Variants in PCDHGA12 observed in about 807,000 individuals in gnomAD.
PCDHGA12 encodes protocadherin gamma subfamily A, 12.
PCDHGA12 carries 43 observed loss-of-function variants against 61.1 expected under a neutral mutation model. That is an observed-to-expected ratio of 0.70 (90% CI 0.55 to 0.91). The LOEUF is 0.91. PCDHGA12 is among the 40% of genes least tolerant of loss of function. PCDHGA12 has a pLI of 0.00. For synonymous variants in PCDHGA12, 520 were observed against 542.9 expected (o/e 0.96, Z 0.59); for missense variants, 1,236 against 1,227.7 (o/e 1.01, Z -0.10).
At position 141,511,199 on chromosome 5, in the gene PCDHGA12, G is replaced by C. The variant is rs1303066281; in HGVS notation, c.*26G>C. On this transcript the variant is annotated 3_prime_UTR_variant, in exon 4 of 4. Coordinates refer to ENST00000252085, the MANE Select transcript of PCDHGA12 (RefSeq NM_003735.3). The stretch of plus-strand genomic sequence containing the variant: ...CATGGAGGCCAGGCCAAGAGCCACA[G>C]GGCGGCCTCTCCCCAACCAGCCCAG... 6.2e-6 allele frequency: 10 copies of C among 1,612,868 alleles called. No individual in the cohort carries two copies. In the East Asian group the frequency reaches 2.2e-4, roughly 36 times the overall value.
At chr5:141,497,013 A>G (rs2099773320) in intron 2 of PCDHGA12, among the ~76,000 whole-genome samples, 1 of 151,990 alleles carries the variant, frequency 6.6e-6, no homozygotes, top group Admixed American at 6.6e-5. Context: ...ACATGGTGAA[A>G]CCCCATCTCG....
At position 141,476,645 on chromosome 5, in the gene PCDHGA12, A is replaced by G. The variant is rs150444699; in HGVS notation, c.2425-18162A>G. The G allele has an allele frequency of 1.2e-4, 199 of 1,614,128 alleles. No homozygotes were observed. Among genetic ancestry groups the G allele is most frequent in the Non-Finnish European group, 1.6e-4 (194 of 1,180,060 alleles). ...TTTACAAACCTATGAGCTGAGCCGA[A>G]ATGAATACTTTGCGCTTCGCGTGCA... On this transcript the variant is annotated intron_variant, in intron 1 of 3. Transcript: ENST00000252085. The surrounding 1 kb of genome is among the most constrained non-coding windows in gnomAD (Gnocchi z 7.6).
chr5:141,489,073 C>A lies in PCDHGA12; in HGVS notation c.2425-5734C>A, dbSNP rs2099681983. 3.2e-6 allele frequency: 1 copy of A among 315,630 alleles called. No individual in the cohort carries two copies. The highest frequency in any genetic ancestry group is 5.7e-6 in the Non-Finnish European group (1 of 173,976). 19.6% of individuals were successfully genotyped at this position (315,630 alleles called of 1,614,324 possible). A position where few individuals can be genotyped will look rare whatever the true frequency, so the allele number is the denominator to read the frequency against. ...ATTCAGCTCCCCTCCCCCCTGCCCA[C>A]CCCCGCCACTCGGTGACTAAGAACT... On this transcript the variant is annotated intron_variant, in intron 1 of 3. Coordinates refer to ENST00000252085, the MANE Select transcript of PCDHGA12 (RefSeq NM_003735.3). The surrounding 1 kb of genome is among the most constrained non-coding windows in gnomAD (Gnocchi z 4.5).
chr5:141,480,407 C>T (rs906445993), intron 1 of PCDHGA12, among the ~76,000 whole-genome samples: 1 of 139,782 alleles, frequency 7.2e-6, no homozygotes, highest in Admixed American at 7.0e-5. Context: ...AGAGTGAGAC[C>T]CTGTCTCAAA....
intron 3 of PCDHGA12, chr5:141,508,128 T>C (rs1490298338): frequency 6.6e-6 from 1 of 151,706 alleles, no homozygotes; most frequent in African/African-American, 2.4e-5. Context: ...CAGAGGGAGG[T>C]CAGGGAGCTG....
At chr5:141,496,817 T>C (rs2099771666) in intron 2 of PCDHGA12, among the ~76,000 whole-genome samples, 1 of 151,020 alleles carries the variant, frequency 6.6e-6, no homozygotes, top group Non-Finnish European at 1.5e-5. Flanking sequence ...AGTGAACAAG[T>C]AGATGTGATC....
intron 1 of PCDHGA12, among the ~76,000 whole-genome samples, chr5:141,462,538 C>G (rs565849689): frequency 1.3e-5 from 2 of 152,102 alleles, no homozygotes; most frequent in South Asian, 2.1e-4. Context: ...GTTCAGTGAT[C>G]TTTTCTTCTT....
chr5:141,449,040 C>A (rs1333983931), intron 1 of PCDHGA12, among the ~76,000 whole-genome samples: 2 of 152,126 alleles, frequency 1.3e-5, no homozygotes, highest in Non-Finnish European at 2.9e-5. Flanking sequence ...GGATTATTAA[C>A]CAGTCTCATA....
At position 141,511,963 on chromosome 5, in the gene PCDHGA12, AGT is replaced by A. The variant is rs1204123000; in HGVS notation, c.*796_*797del. On this transcript the variant is annotated 3_prime_UTR_variant, in exon 4 of 4. Transcript: ENST00000252085. ...ATGGGGTGGTAAGATAAGGAAGGGA[AGT>A]GTGTGGATGTGGATGGTGGGGGCAT... 1 of 153,636 alleles carries A rather than the reference AGT, an allele frequency of 6.5e-6. No individual in the cohort carries two copies. 9.5% of individuals were successfully genotyped at this position (153,636 alleles called of 1,614,324 possible).
At chr5:141,497,969 C>T (rs1595499086) in intron 2 of PCDHGA12, among the ~76,000 whole-genome samples, 1 of 152,160 alleles carries the variant, frequency 6.6e-6, no homozygotes. Flanking sequence ...GCAGTGTTCT[C>T]GATGTGGGAG....
At chr5:141,510,627 G>C (rs2099881988) in intron 3 of PCDHGA12, among the ~76,000 whole-genome samples, 2 of 152,090 alleles carry the variant, frequency 1.3e-5, no homozygotes, top group South Asian at 2.1e-4. Context: ...AACCAGAAGA[G>C]GTGGTTACCA....
chr5:141,480,102 T>C (rs568342271), intron 1 of PCDHGA12, among the ~76,000 whole-genome samples: 1 of 152,320 alleles, frequency 6.6e-6, no homozygotes, highest in South Asian at 2.1e-4. Flanking sequence ...GCAAAGTGTT[T>C]AGCATGGTGC....
chr5:141,446,821 T>G (rs183143971), intron 1 of PCDHGA12, among the ~76,000 whole-genome samples: 2 of 152,184 alleles, frequency 1.3e-5, no homozygotes, highest in South Asian at 4.1e-4. Context: ...GTCAGATGGG[T>G]AGATCCTTAT....
intron 1 of PCDHGA12, among the ~76,000 whole-genome samples, chr5:141,464,094 G>A (rs540562188): frequency 7.4e-4 from 112 of 151,988 alleles, no homozygotes; most frequent in Non-Finnish European, 1.1e-3. Context: ...GTGAAACTCC[G>A]TCTCTACTAA....
chr5:141,505,546 C>T (rs555460173), intron 3 of PCDHGA12, 65 bp downstream of exon 3: 36 of 1,608,242 alleles, frequency 2.2e-5, no homozygotes, highest in South Asian at 7.7e-5. Context: ...CATCTCACAG[C>T]CACCATGCCC....
Position 141,433,020 on chromosome 5 carries a change from C to T in PCDHGA12, c.2261C>T (p.Ser754Phe), listed in dbSNP as rs761127608. 1.1e-5 allele frequency: 17 copies of T among 1,614,152 alleles called. No individual in the cohort carries two copies. The South Asian group carries it at 1.9e-4, about 18-fold the overall frequency. The change falls in exon 1 of 4, where the codon TCC (serine) becomes TTC (phenylalanine). Residue 754 changes from serine to phenylalanine, a missense_variant. Coordinates refer to ENST00000252085, the MANE Select transcript of PCDHGA12 (RefSeq NM_003735.3). ...GTGCAGGCTTTCCTGCAGACCTATTCCCACGAGGTTTCCCTCACCACGGAC... is the reference window on the plus strand; with the variant it reads ...GTGCAGGCTTTCCTGCAGACCTATTTCCACGAGGTTTCCCTCACCACGGAC... ...DGVQAFLQTY[S>F]HEVSLTTDSR...
At chr5:141,505,154 C>T (rs1443235547) in intron 2 of PCDHGA12, among the ~76,000 whole-genome samples, 2 of 152,028 alleles carry the variant, frequency 1.3e-5, no homozygotes, top group Non-Finnish European at 2.9e-5. Flanking sequence ...AGAGTAAGAC[C>T]CTGTCTAAAA....
At position 141,476,581 on chromosome 5, in the gene PCDHGA12, G is replaced by A. The variant is rs1393235114; in HGVS notation, c.2425-18226G>A. The A allele has an allele frequency of 5.0e-6, 8 of 1,614,230 alleles. No individual in the cohort carries two copies. The highest frequency in any genetic ancestry group is 6.8e-6 in the Non-Finnish European group (8 of 1,180,042). ...CCGTGGCTCCGGGGACGCGCTTTCC[G>A]CTCGAGAGCGCGCACGATCCCGATG... On this transcript the variant is annotated intron_variant, in intron 1 of 3. Transcript: ENST00000252085. This position sits in a 1 kb window ranked among gnomAD's most constrained non-coding sequence, Gnocchi z 7.6.
At chr5:141,455,860 A>ATTATTTAT (rs145569377) in intron 1 of PCDHGA12, among the ~76,000 whole-genome samples, 155 of 139,844 alleles carry the variant, frequency 1.1e-3, no homozygotes, top group Non-Finnish European at 1.5e-3. Flanking sequence ...AATTTCTTTT[A>ATTATTTAT]TTATTTATTT....
Sources: gnomAD v4.1 joint callset for allele counts (sites outside exome capture counted in the v4.1 genomes callset) on GRCh38, gnomAD v4.1.1 for gene constraint, Gnocchi (gnomAD v3.1) non-coding constraint, MANE v1.5 for transcripts, NCBI Gene and HGNC (gene_info 2026-07-23, HGNC 2026-07-21) for gene names.